ERG: variants seen among roughly 807,000 people sequenced by gnomAD.
ERG encodes the protein ETS transcription factor ERG, also known as transcriptional regulator ERG.
A neutral mutation model predicts 55.3 loss-of-function variants in ERG; 9 were observed. That is an observed-to-expected ratio of 0.16 (90% confidence interval 0.10 to 0.28). ERG has a LOEUF of 0.28. Ranked by LOEUF, ERG falls within the 10% of genes least tolerant of loss-of-function variation. The pLI, the probability that ERG is intolerant of heterozygous loss-of-function variation, is 1.00. For missense variants in ERG, 434 were observed against 631.6 expected (o/e 0.69, Z 3.35); for synonymous variants, 223 against 237.3 (o/e 0.94, Z 0.55).
At chr21:38,379,578 T>G (rs983136833), downstream of ERG, among the ~76,000 whole-genome samples, 1 of 152,216 alleles carries the variant, frequency 6.6e-6, no homozygotes, top group Non-Finnish European at 1.5e-5. Flanking sequence ...CTAGCACTAA[T>G]TATAATCAGG....
At chr21:38,386,790 T>C (rs80187784) in intron 9 of ERG, among the ~76,000 whole-genome samples, 1 of 70,116 alleles carries the variant, frequency 1.4e-5, no homozygotes, top group Non-Finnish European at 3.2e-5. Flanking sequence ...TTCAGATCTA[T>C]TTTTTTTTTT....
intron 2 of ERG, among the ~76,000 whole-genome samples, chr21:38,427,761 T>TGA (rs1989903452): frequency 1.3e-5 from 2 of 152,076 alleles, no homozygotes; most frequent in Non-Finnish European, 2.9e-5. Context: ...CCTGACATAC[T>TGA]CTCCTACCCT....
chr21:38,403,546 G>A lies in ERG; in HGVS notation c.552C>T (p.Asn184=), dbSNP rs17853963. ...DDFQRLTPSY[N]ADILLSHLHY... is the part of the protein sequence containing the mutation. ...GGAGATGTGAGAGAAGGATGTCGGC[G>A]TTGTAGCTGGGGGTGAGCCTCTGGA... Residue 184 remains asparagine (N), a synonymous_variant, in exon 4 of 10, where the codon AAC becomes AAT. Coordinates refer to ENST00000288319, the MANE Select transcript of ERG (RefSeq NM_182918.4). The A allele has an allele frequency of 0.03, 49,011 of 1,614,090 alleles. 861 individuals are homozygous for A. The highest frequency in any genetic ancestry group is 0.035 in the Non-Finnish European group (41,094 of 1,179,968).
chr21:38,470,885 T>A (rs1286363522), intron 1 of ERG: 2 of 152,164 alleles, frequency 1.3e-5, no homozygotes, highest in African/African-American at 4.8e-5. Context: ...CTGGAAGACA[T>A]CTTGTAAACT....
At chr21:38,546,375 G>A (rs1445903079) in intron 2 of ERG, among the ~76,000 whole-genome samples, 1 of 152,024 alleles carries the variant, frequency 6.6e-6, no homozygotes, top group Non-Finnish European at 1.5e-5. Context: ...GCTTCCTTCA[G>A]TGCCACTCTA....
upstream of ERG, among the ~76,000 whole-genome samples, chr21:38,501,127 G>T (rs1046242252): frequency 7.0e-6 from 1 of 142,858 alleles, no homozygotes; most frequent in African/African-American, 2.6e-5. Context: ...GTGCAGTGGC[G>T]CGATCTCGGC....
chr21:38,383,060 T>G lies in ERG; in HGVS notation c.*343A>C, dbSNP rs1987519767. On this transcript the variant is annotated 3_prime_UTR_variant, in exon 10 of 10. Transcript: ENST00000288319. The surrounding 1 kb of genome is among the most constrained non-coding windows in gnomAD (Gnocchi z 5.7). ...TTAGTTTCATCCCAGTTTGCATTAG[T>G]GGGATTCCAAACTCTACTCTAAAGT... 9.1e-7 allele frequency: 1 copy of G among 1,099,162 alleles called. No homozygotes were observed. The highest frequency in any genetic ancestry group is 5.0e-5 in the Admixed American group (1 of 19,978). 68.1% of individuals were successfully genotyped at this position (1,099,162 alleles called of 1,614,324 possible).
chr21:38,574,551 G>A (rs968192380), intron 2 of ERG, among the ~76,000 whole-genome samples: 1 of 152,186 alleles, frequency 6.6e-6, no homozygotes, highest in African/African-American at 2.4e-5. Flanking sequence ...AAGTAAATGT[G>A]TGTGTATGTG....
intron 1 of ERG, among the ~76,000 whole-genome samples, chr21:38,604,615 T>C (rs464729): frequency 0.61 from 92,676 of 152,124 alleles, 28,771 homozygotes; most frequent in East Asian, 0.73. Context: ...TCTCTACAGA[T>C]ATTACAGTAT....
chr21:38,575,676 C>G (rs2059990504), exon 2 of ERG: 1 of 1,613,942 alleles, frequency 6.2e-7, no homozygotes, highest in African/African-American at 1.3e-5. Context: ...ATATGAGCTG[C>G]TGGGTCCGGG....
At chr21:38,490,474 C>G (rs1409124673) in intron 1 of ERG, among the ~76,000 whole-genome samples, 2 of 152,202 alleles carry the variant, frequency 1.3e-5, no homozygotes, top group East Asian at 1.9e-4. Context: ...AAAAGCCTAT[C>G]TCCTGTGAGG....
At chr21:38,651,576 T>G (rs79902332) in intron 1 of ERG, among the ~76,000 whole-genome samples, 1 of 152,222 alleles carries the variant, frequency 6.6e-6, no homozygotes, top group Non-Finnish European at 1.5e-5. Flanking sequence ...ATTTTCAGCA[T>G]GTGTTACATA....
intron 2 of ERG, among the ~76,000 whole-genome samples, chr21:38,533,302 A>T (rs3787916): frequency 0.38 from 57,979 of 152,078 alleles, 12,530 homozygotes; most frequent in Non-Finnish European, 0.49. Flanking sequence ...TACAAAGACG[A>T]CAACTGGTTT....
chr21:38,395,044 C>T (rs763509471), intron 6 of ERG, among the ~76,000 whole-genome samples: 1 of 152,100 alleles, frequency 6.6e-6, no homozygotes, highest in African/African-American at 2.4e-5. Context: ...GAAAATAAGT[C>T]GAAACTTAAC....
At chr21:38,432,623 C>A (rs1397389183) in intron 2 of ERG, among the ~76,000 whole-genome samples, 1 of 152,230 alleles carries the variant, frequency 6.6e-6, no homozygotes, top group African/African-American at 2.4e-5. Flanking sequence ...TGGTGCCTGG[C>A]ACATGACCAC....
chr21:38,610,190 G>A (rs1319895207), intron 1 of ERG, among the ~76,000 whole-genome samples: 2 of 152,100 alleles, frequency 1.3e-5, no homozygotes, highest in African/African-American at 4.8e-5. Context: ...TATGCACTTC[G>A]GTTTCTTCCA....
intron 1 of ERG, among the ~76,000 whole-genome samples, chr21:38,628,576 C>T (rs920717736): frequency 3.9e-5 from 6 of 152,208 alleles, no homozygotes; most frequent in African/African-American, 1.4e-4. Context: ...AAAGAGAGAG[C>T]TGGCTGCAGT....
intron 1 of ERG, among the ~76,000 whole-genome samples, chr21:38,454,024 T>C (rs906288583): frequency 6.6e-6 from 1 of 151,994 alleles, no homozygotes; most frequent in Non-Finnish European, 1.5e-5. Flanking sequence ...GTGCAAAAAA[T>C]ACACTCACTA....
At chr21:38,499,896 AAAAG>A (rs542035290), upstream of ERG, among the ~76,000 whole-genome samples, 970 of 152,160 alleles carry the variant, frequency 6.4e-3, 8 homozygotes, top group Non-Finnish European at 9.6e-3. Context: ...GAAGGAAAAG[AAAAG>A]AAAGAGAGTA....
Sources: gnomAD v4.1 joint callset for allele counts (sites outside exome capture counted in the v4.1 genomes callset) on GRCh38, gnomAD v4.1.1 for gene constraint, Gnocchi (gnomAD v3.1) non-coding constraint, MANE v1.5 for transcripts, NCBI Gene and HGNC (gene_info 2026-07-23, HGNC 2026-07-21) for gene names.